Variants in AGBL2 observed in about 807,000 individuals in gnomAD.
AGBL2 encodes the protein AGBL carboxypeptidase 2.
In AGBL2, 87 loss-of-function variants were observed where a neutral mutation model predicts 103.0. That is an observed-to-expected ratio of 0.84 (90% confidence interval 0.71 to 1.01). The LOEUF (loss-of-function observed/expected upper bound fraction) is 1.01, where lower values mean the gene tolerates loss of function less well. AGBL2 is among the 50% of genes least tolerant of loss of function. The pLI is 0.00. For missense variants in AGBL2, 904 were observed against 1,023.5 expected (o/e 0.88, Z 1.59); for synonymous variants, 335 against 356.7 (o/e 0.94, Z 0.69).
intron 4 of AGBL2, among the ~76,000 whole-genome samples, chr11:47,708,073 C>A (rs2097526488): frequency 6.9e-6 from 1 of 144,356 alleles, no homozygotes; most frequent in African/African-American, 2.5e-5. Context: ...ATTTAGTCAT[C>A]TTTTTTTTTT....
chr11:47,708,749 G>A (rs911587087), intron 4 of AGBL2, among the ~76,000 whole-genome samples: 2 of 151,750 alleles, frequency 1.3e-5, no homozygotes, highest in Admixed American at 6.6e-5. Context: ...AGGAGGCGGA[G>A]GTTGTAGTGA....
Position 47,664,394 on chromosome 11 carries a change from A to G in AGBL2, c.2449-1282T>C, listed in dbSNP as rs978165477. On this transcript the variant is annotated intron_variant, in intron 17 of 18. Coordinates refer to ENST00000525123, the MANE Select transcript of AGBL2 (RefSeq NM_024783.4). Reference sequence around the variant, plus strand: ...CCCAAGTAGCTAGGACTACAGGGGCAGGCTACCACATCCAGCTAAGTTTTT... The same window carrying G: ...CCCAAGTAGCTAGGACTACAGGGGCGGGCTACCACATCCAGCTAAGTTTTT... 3.3e-5 allele frequency among the ~76,000 whole-genome samples: 5 copies of G among 150,622 alleles called. No individual in the cohort carries two copies. In the East Asian group the frequency reaches 9.8e-4, roughly 29 times the overall value.
At chr11:47,698,785 T>G (rs1002474095) in intron 8 of AGBL2, among the ~76,000 whole-genome samples, 2 of 152,164 alleles carry the variant, frequency 1.3e-5, no homozygotes, top group African/African-American at 4.8e-5. Flanking sequence ...TTTATGGATA[T>G]CTCATATTTC....
rs1032910330 is a variant in AGBL2 at position 47,681,886 on chromosome 11, C to A, written c.1915+83G>T. 2.0e-6 allele frequency: 3 copies of A among 1,510,734 alleles called. No individual in the cohort carries two copies. The African/African-American group carries it at 4.2e-5, about 21-fold the overall frequency. The allele number at this position is 1,510,734 out of a possible 1,614,324, so 93.6% of individuals were successfully genotyped here. On this transcript the variant is annotated intron_variant, in intron 12 of 18. Transcript: ENST00000525123. ...TCCTCTAGATCAGTTATCTCCCCAG[C>A]ATTCAAAGGCATTTTATCTCCCTGA... is the stretch of plus-strand genomic sequence containing the variant.
At chr11:47,666,918 G>C in intron 17 of AGBL2, 38 bp downstream of exon 17, 1 of 1,298,694 alleles carries the variant, frequency 7.7e-7, no homozygotes, top group Non-Finnish European at 1.1e-6. Flanking sequence ...AGAGGTTAGA[G>C]AATCTGTGTG....
chr11:47,701,858 C>T (rs141599192), intron 7 of AGBL2, among the ~76,000 whole-genome samples: 5,499 of 151,814 alleles, frequency 0.036, 103 homozygotes, highest in Middle Eastern at 0.065. Context: ...CCTGTAATCC[C>T]AGCTACTTGG....
chr11:47,678,024 C>A (rs1211337566), intron 13 of AGBL2, among the ~76,000 whole-genome samples: 2 of 151,702 alleles, frequency 1.3e-5, no homozygotes, highest in East Asian at 3.9e-4. Flanking sequence ...AGTACAGTGG[C>A]GTGATCTTGG....
chr11:47,662,042 C>T (rs2097329416), intron 18 of AGBL2, among the ~76,000 whole-genome samples: 1 of 152,112 alleles, frequency 6.6e-6, no homozygotes, highest in Non-Finnish European at 1.5e-5. Flanking sequence ...AGCCACCGCG[C>T]CTGGCCTCAC....
At chr11:47,705,465 G>A (rs754824535) in intron 6 of AGBL2, 56 bp downstream of exon 6, 5 of 234,422 alleles carry the variant, frequency 2.1e-5, no homozygotes, top group Non-Finnish European at 4.3e-5. Context: ...GGCCAACGTG[G>A]TGAAATCCTG....
rs747918432 is a variant in AGBL2 at position 47,705,629 on chromosome 11, G to A, written c.292C>T (p.His98Tyr). Residue 98 changes from histidine (H) to tyrosine (Y), a missense_variant, in exon 6 of 19, where the codon CAC (histidine) becomes TAC (tyrosine). His to Tyr is a moderately conservative substitution (Grantham distance 83). Transcript: ENST00000525123. Reference protein sequence around the residue: ...RQIEAINRDFHSCLGWMQWRG... With the variant: ...RQIEAINRDFYSCLGWMQWRG... ...CACTGCATCCAGCCCAGGCAAGAGT[G>A]AAAGTCTGTGTCAAAAAAAAAAAAA... 270 of 498,842 alleles carry A rather than the reference G, an allele frequency of 5.4e-4. No individual in the cohort carries two copies. The highest frequency in any genetic ancestry group is 7.0e-4 in the Non-Finnish European group (204 of 291,362). 30.9% of individuals were successfully genotyped at this position (498,842 alleles called of 1,614,324 possible).
At chr11:47,667,147 T>G (rs2097343455) in intron 16 of AGBL2, 84 bp from the exon 17 acceptor site, 15 of 910,166 alleles carry the variant, frequency 1.6e-5, no homozygotes, top group Non-Finnish European at 2.3e-5. Context: ...CTTGTACTTC[T>G]GAAAGCACGT....
chr11:47,687,745 CTT>C (rs2097429649), intron 10 of AGBL2, among the ~76,000 whole-genome samples: 1 of 151,812 alleles, frequency 6.6e-6, no homozygotes, highest in Non-Finnish European at 1.5e-5. Flanking sequence ...AATTAAACCT[CTT>C]TTCTTTATAA....
At chr11:47,673,664 G>C (rs373561893) in intron 14 of AGBL2, among the ~76,000 whole-genome samples, 3 of 150,176 alleles carry the variant, frequency 2.0e-5, no homozygotes, top group Non-Finnish European at 4.4e-5. Context: ...GGTGGTGGGC[G>C]CCTGTAATAA....
intron 11 of AGBL2, among the ~76,000 whole-genome samples, chr11:47,683,557 T>A (rs2097410806): frequency 6.6e-6 from 1 of 151,444 alleles, no homozygotes; most frequent in Non-Finnish European, 1.5e-5. Flanking sequence ...GATCATGAGG[T>A]CAGGAGATTG....
At chr11:47,681,866 T>C in intron 12 of AGBL2, 103 bp downstream of exon 12, 2 of 1,388,818 alleles carry the variant, frequency 1.4e-6, no homozygotes, top group Middle Eastern at 1.8e-4. Flanking sequence ...AGAAATCCTC[T>C]AGATCAGTTA....
intron 14 of AGBL2, among the ~76,000 whole-genome samples, chr11:47,674,654 CT>C (rs1454957269): frequency 6.6e-6 from 1 of 150,930 alleles, no homozygotes; most frequent in Non-Finnish European, 1.5e-5. Context: ...GGGTCTTTGG[CT>C]TTTTTTAAAA....
chr11:47,680,772 C>G (rs192123524), intron 12 of AGBL2, among the ~76,000 whole-genome samples: 1 of 133,628 alleles, frequency 7.5e-6, no homozygotes, highest in East Asian at 2.6e-4. Flanking sequence ...GCCTGGGTAA[C>G]AGAGGGAGAC....
At chr11:47,670,874 A>G (rs2097355299) in intron 14 of AGBL2, among the ~76,000 whole-genome samples, 1 of 151,998 alleles carries the variant, frequency 6.6e-6, no homozygotes, top group Non-Finnish European at 1.5e-5. Context: ...GTACGCCTAT[A>G]GTCCCAGCTA....
intron 14 of AGBL2, among the ~76,000 whole-genome samples, chr11:47,670,265 G>A (rs2097353406): frequency 1.3e-5 from 2 of 152,194 alleles, no homozygotes; most frequent in African/African-American, 4.8e-5. Context: ...ATAAACATAT[G>A]CATTTAATAA....
Sources: allele counts gnomAD v4.1 joint callset (sites outside exome capture counted in the v4.1 genomes callset), GRCh38; gene constraint gnomAD v4.1.1; transcripts MANE v1.5; gene names NCBI Gene and HGNC (gene_info 2026-07-23, HGNC 2026-07-21).